The following DPYD variants were observed in gnomAD, a reference collection of about 807,000 sequenced individuals.
DPYD encodes the protein dihydropyrimidine dehydrogenase, also known as dihydropyrimidine dehydrogenase [NADP(+)].
DPYD carries 109 observed loss-of-function variants against 116.2 expected under a neutral mutation model. That is an observed-to-expected ratio of 0.94 (90% CI 0.80 to 1.10). DPYD has a LOEUF of 1.10. Among genes scored for constraint, DPYD ranks in the 50% least tolerant of loss-of-function variants. DPYD has a pLI of 0.00. For synonymous variants in DPYD, 440 were observed against 432.0 expected (o/e 1.02, Z -0.23); for missense variants, 1,302 against 1,254.5 (o/e 1.04, Z -0.57).
At chr1:97,522,858 T>C (rs10158124) in intron 12 of DPYD, among the ~76,000 whole-genome samples, 1,894 of 152,268 alleles carry the variant, frequency 0.012, 24 homozygotes, top group Middle Eastern at 0.024. Context: ...TTCCTACATC[T>C]CCTTTTTTTC....
At chr1:97,430,003 G>C (rs1044580334) in intron 14 of DPYD, among the ~76,000 whole-genome samples, 3 of 152,038 alleles carry the variant, frequency 2.0e-5, no homozygotes, top group African/African-American at 7.2e-5. Flanking sequence ...TTAACCCTTA[G>C]TTTTTCCCTT....
chr1:97,363,405 G>T (rs1035652000), intron 16 of DPYD, among the ~76,000 whole-genome samples: 1 of 152,130 alleles, frequency 6.6e-6, no homozygotes, highest in Admixed American at 6.5e-5. Context: ...GATTTGTCAA[G>T]GATCTAGAAC....
intron 5 of DPYD, among the ~76,000 whole-genome samples, chr1:97,715,378 CTA>C (rs1314858220): frequency 1.3e-5 from 2 of 152,196 alleles, no homozygotes; most frequent in East Asian, 3.9e-4. Context: ...CAATGTAAAC[CTA>C]TATGTCTCAT....
At chr1:97,167,535 T>C (rs868115618) in intron 20 of DPYD, among the ~76,000 whole-genome samples, 3 of 152,112 alleles carry the variant, frequency 2.0e-5, no homozygotes, top group Non-Finnish European at 4.4e-5. Context: ...ACAGCAAAAA[T>C]GCACTAACGT....
chr1:97,908,986 G>A (rs1001285245), intron 1 of DPYD, among the ~76,000 whole-genome samples: 7 of 152,142 alleles, frequency 4.6e-5, no homozygotes, highest in Non-Finnish European at 8.8e-5. Flanking sequence ...AAAAGTGGAT[G>A]GAGAACAATC....
chr1:97,166,543 C>A (rs1476873742), intron 20 of DPYD, among the ~76,000 whole-genome samples: 1 of 152,002 alleles, frequency 6.6e-6, no homozygotes, highest in South Asian at 2.1e-4. Flanking sequence ...GACAAACCTG[C>A]ACATGTACTA....
chr1:97,424,826 C>G (rs1260264835), intron 14 of DPYD, among the ~76,000 whole-genome samples: 1 of 152,030 alleles, frequency 6.6e-6, no homozygotes, highest in African/African-American at 2.4e-5. Flanking sequence ...GAGTTTTCCA[C>G]AACATATAAA....
intron 20 of DPYD, among the ~76,000 whole-genome samples, chr1:97,175,785 T>C (rs1455616387): frequency 6.6e-6 from 1 of 152,228 alleles, no homozygotes; most frequent in Non-Finnish European, 1.5e-5. Flanking sequence ...AGTGCATCTC[T>C]TATTAATTGA....
chr1:97,917,445 A>C (rs1674271965), intron 1 of DPYD, among the ~76,000 whole-genome samples: 1 of 152,106 alleles, frequency 6.6e-6, no homozygotes, highest in African/African-American at 2.4e-5. Context: ...CTATTTTCCA[A>C]ATTCGCTATT....
chr1:97,803,795 A>ATG, intron 3 of DPYD, among the ~76,000 whole-genome samples: 1 of 151,986 alleles, frequency 6.6e-6, no homozygotes, highest in Admixed American at 6.6e-5. Flanking sequence ...ATGCTTATAT[A>ATG]TTACCATGCG....
At chr1:97,421,254 T>C (rs1460812605) in intron 14 of DPYD, among the ~76,000 whole-genome samples, 1 of 152,208 alleles carries the variant, frequency 6.6e-6, no homozygotes, top group African/African-American at 2.4e-5. Context: ...CTTGGCAGTA[T>C]GTCTGGCACA....
At chr1:97,877,120 T>C (rs1472690429) in intron 2 of DPYD, among the ~76,000 whole-genome samples, 1 of 152,042 alleles carries the variant, frequency 6.6e-6, no homozygotes, top group Non-Finnish European at 1.5e-5. Flanking sequence ...AACCATGAAC[T>C]TCTCTGAACC....
intron 5 of DPYD, among the ~76,000 whole-genome samples, chr1:97,709,025 T>C (rs1434406674): frequency 6.6e-6 from 1 of 151,976 alleles, no homozygotes; most frequent in East Asian, 1.9e-4. Flanking sequence ...CAGGAGTTTT[T>C]CTGTTGATTC....
intron 2 of DPYD, among the ~76,000 whole-genome samples, chr1:97,839,666 T>A (rs1669948049): frequency 6.6e-6 from 1 of 152,246 alleles, no homozygotes; most frequent in Non-Finnish European, 1.5e-5. Flanking sequence ...GGAATAATGC[T>A]ATAATATATC....
intron 19 of DPYD, among the ~76,000 whole-genome samples, chr1:97,213,356 T>G (rs563545847): frequency 6.6e-6 from 1 of 152,270 alleles, no homozygotes; most frequent in Admixed American, 6.5e-5. Flanking sequence ...CCATGATAAT[T>G]TTTTTATTAT....
chr1:97,209,790 C>T (rs566470890), intron 19 of DPYD, among the ~76,000 whole-genome samples: 5 of 152,116 alleles, frequency 3.3e-5, no homozygotes, highest in Non-Finnish European at 7.4e-5. Context: ...AGGTCTATCA[C>T]TGTGGGATTA....
At chr1:97,844,699 C>A (rs1670205040) in intron 2 of DPYD, among the ~76,000 whole-genome samples, 1 of 152,138 alleles carries the variant, frequency 6.6e-6, no homozygotes, top group African/African-American at 2.4e-5. Flanking sequence ...AGGTGGGAGC[C>A]CCACACACTT....
intron 19 of DPYD, among the ~76,000 whole-genome samples, chr1:97,214,348 T>G (rs1570685028): frequency 6.6e-6 from 1 of 152,324 alleles, no homozygotes; most frequent in East Asian, 1.9e-4. Flanking sequence ...CAAGGTTTTC[T>G]CCATTTCTGA....
chr1:97,128,601 C>A (rs1653032290), intron 20 of DPYD, among the ~76,000 whole-genome samples: 1 of 151,996 alleles, frequency 6.6e-6, no homozygotes. Flanking sequence ...TGTTTATGAG[C>A]TGAAAGATGG....
Sources: allele counts gnomAD v4.1 joint callset (sites outside exome capture counted in the v4.1 genomes callset), GRCh38; gene constraint gnomAD v4.1.1; transcripts MANE v1.5; gene names NCBI Gene and HGNC (gene_info 2026-07-23, HGNC 2026-07-21).